The following NCKAP5 variants were observed in gnomAD, a reference collection of about 807,000 sequenced individuals.
The protein encoded by NCKAP5 is NCK associated protein 5.
A neutral mutation model predicts 167.0 loss-of-function variants in NCKAP5; 92 were observed. That is an observed-to-expected ratio of 0.55 (90% CI 0.47 to 0.66). The LOEUF is 0.66. NCKAP5 is among the 30% of genes least tolerant of loss of function. The pLI, the probability that NCKAP5 is intolerant of heterozygous loss-of-function variation, is 0.00. For missense variants in NCKAP5, 2,378 were observed against 2,315.0 expected (o/e 1.03, Z -0.56); for synonymous variants, 891 against 877.4 (o/e 1.02, Z -0.27).
intron 11 of NCKAP5, among the ~76,000 whole-genome samples, chr2:132,857,342 G>A (rs1025503103): frequency 6.6e-6 from 1 of 152,036 alleles, no homozygotes; most frequent in Non-Finnish European, 1.5e-5. Context: ...TATTTTTATA[G>A]TTAGACAACT....
chr2:133,125,674 A>T (rs541042295), intron 6 of NCKAP5, among the ~76,000 whole-genome samples: 6 of 152,298 alleles, frequency 3.9e-5, no homozygotes, highest in African/African-American at 1.4e-4. Flanking sequence ...ACCTTATTGA[A>T]GTGCTCTCTC....
At chr2:132,718,449 A>T (rs1573978362) in intron 19 of NCKAP5, among the ~76,000 whole-genome samples, 2 of 152,352 alleles carry the variant, frequency 1.3e-5, no homozygotes, top group South Asian at 2.1e-4. Flanking sequence ...TGGGACAGAG[A>T]CTATGAGAAT....
chr2:132,738,482 C>T (rs539296989), intron 16 of NCKAP5, among the ~76,000 whole-genome samples: 11 of 152,288 alleles, frequency 7.2e-5, no homozygotes, highest in African/African-American at 1.9e-4. Flanking sequence ...GAACTAAGTT[C>T]TTACTAAAGA....
chr2:132,721,250 A>T (rs957224139), intron 19 of NCKAP5, among the ~76,000 whole-genome samples: 2 of 151,940 alleles, frequency 1.3e-5, no homozygotes, highest in East Asian at 3.9e-4. Context: ...GGAGGTTGCA[A>T]TGAGCTGAGA....
At chr2:133,282,925 AT>A (rs2089980437) in intron 4 of NCKAP5, among the ~76,000 whole-genome samples, 1 of 152,214 alleles carries the variant, frequency 6.6e-6, no homozygotes, top group Non-Finnish European at 1.5e-5. Flanking sequence ...ATCCATATGT[AT>A]TAAAACAATC....
intron 11 of NCKAP5, among the ~76,000 whole-genome samples, chr2:132,819,107 T>G (rs1036237081): frequency 6.6e-6 from 1 of 151,992 alleles, no homozygotes; most frequent in Non-Finnish European, 1.5e-5. Context: ...AAAAAAATGG[T>G]CTATGGTTAA....
rs528980006 is a variant in NCKAP5 at position 133,075,073 on chromosome 2, T to C, written c.341+54905A>G. On this transcript the variant is annotated intron_variant, in intron 6 of 19. Coordinates refer to ENST00000409261, the MANE Select transcript of NCKAP5 (RefSeq NM_207363.3). ...ATGTAGATACATCATAATAAAATGG[T>C]TGAAAACCAAAGACACAGGAAAAAA... Among the ~76,000 whole-genome samples, 4 of 152,020 alleles carry C rather than the reference T, an allele frequency of 2.6e-5. No individual in the cohort carries two copies. The South Asian group carries it at 6.2e-4, about 24-fold the overall frequency.
intron 8 of NCKAP5, among the ~76,000 whole-genome samples, chr2:132,952,925 C>T (rs1326544006): frequency 6.6e-6 from 1 of 152,172 alleles, no homozygotes; most frequent in East Asian, 1.9e-4. Context: ...GATTGAAGCA[C>T]CACGAGGAGC....
chr2:133,669,063 C>A, the NCKAP5 span, among the ~76,000 whole-genome samples: 2 of 152,146 alleles, frequency 1.3e-5, no homozygotes, highest in African/African-American at 4.8e-5. Context: ...GGTTGAAATT[C>A]TATTTAACAT....
chr2:133,374,725 G>T (rs538226395), intron 3 of NCKAP5, among the ~76,000 whole-genome samples: 299 of 152,220 alleles, frequency 2.0e-3, no homozygotes, highest in African/African-American at 6.2e-3. Flanking sequence ...ACTTAAAACT[G>T]CTCTCAAAAA....
At chr2:133,545,168 C>G (rs57668791) in intron 2 of NCKAP5, among the ~76,000 whole-genome samples, 41,570 of 152,066 alleles carry the variant, frequency 0.27, 6,216 homozygotes, top group East Asian at 0.37. Context: ...TGGACAATCT[C>G]AAGCTACAAT....
intron 2 of NCKAP5, among the ~76,000 whole-genome samples, chr2:133,535,232 T>C (rs1454513845): frequency 6.6e-6 from 1 of 152,086 alleles, no homozygotes; most frequent in Non-Finnish European, 1.5e-5. Flanking sequence ...AGTGTACCCA[T>C]CACTCAAACA....
intron 11 of NCKAP5, among the ~76,000 whole-genome samples, chr2:132,827,736 G>T (rs542334309): frequency 6.6e-6 from 1 of 152,136 alleles, no homozygotes; most frequent in African/African-American, 2.4e-5. Context: ...ACACTAAAAA[G>T]TTCATAGGAT....
chr2:133,188,770 G>T (rs1280851957), intron 5 of NCKAP5, among the ~76,000 whole-genome samples: 1 of 152,042 alleles, frequency 6.6e-6, no homozygotes, highest in East Asian at 1.9e-4. Flanking sequence ...GAATCTCTGG[G>T]GCACATTTAA....
intron 7 of NCKAP5, among the ~76,000 whole-genome samples, chr2:132,964,549 G>C (rs1333272241): frequency 6.6e-6 from 1 of 151,994 alleles, no homozygotes; most frequent in African/African-American, 2.4e-5. Flanking sequence ...ACTAAGTTAA[G>C]CCTCATGAAT....
chr2:133,362,063 C>G (rs1306904479), intron 3 of NCKAP5, among the ~76,000 whole-genome samples: 1 of 151,716 alleles, frequency 6.6e-6, no homozygotes, highest in Admixed American at 6.6e-5. Flanking sequence ...CTTACAAATA[C>G]TGATGACATC....
chr2:132,680,879 T>C lies in NCKAP5; in HGVS notation c.5714-7574A>G, dbSNP rs148130681. Among the ~76,000 whole-genome samples, 314 of 152,348 alleles carry C rather than the reference T, an allele frequency of 2.1e-3. 1 individual carries two copies. The highest frequency in any genetic ancestry group is 7.3e-3 in the African/African-American group (302 of 41,594). On this transcript the variant is annotated intron_variant, in intron 19 of 19. Coordinates refer to ENST00000409261, the MANE Select transcript of NCKAP5 (RefSeq NM_207363.3). ...AAACTCTGATGTTAGCGTCATCATT[T>C]CCAATGCCCATTTGAAAATTTGGAT... is the stretch of plus-strand genomic sequence containing the variant.
chr2:132,962,847 T>C (rs1039935988), intron 8 of NCKAP5, among the ~76,000 whole-genome samples: 3 of 152,142 alleles, frequency 2.0e-5, no homozygotes, highest in Non-Finnish European at 4.4e-5. Flanking sequence ...TGCCTCGGCC[T>C]CCTAAAGTTC....
chr2:132,798,183 C>T (rs1226765281), intron 11 of NCKAP5, among the ~76,000 whole-genome samples: 2 of 152,128 alleles, frequency 1.3e-5, no homozygotes, highest in African/African-American at 4.8e-5. Context: ...TTTTATAATC[C>T]TAATTCTATA....
Sources: allele counts gnomAD v4.1 joint callset (sites outside exome capture counted in the v4.1 genomes callset), GRCh38; gene constraint gnomAD v4.1.1; transcripts MANE v1.5; gene names NCBI Gene and HGNC (gene_info 2026-07-23, HGNC 2026-07-21).